The following PHIP variants were observed in gnomAD, a reference collection of about 807,000 sequenced individuals.
PHIP encodes the protein PHIP subunit of CUL4-Ring ligase complex.
Under a neutral mutation model 236.8 loss-of-function variants are expected in PHIP, and 54 were observed. That is an observed-to-expected ratio of 0.23 (90% CI 0.18 to 0.29). The LOEUF (loss-of-function observed/expected upper bound fraction) is 0.29, where lower values mean the gene tolerates loss of function less well. PHIP is among the 10% of genes least tolerant of loss of function. PHIP has a pLI of 1.00. For missense variants in PHIP, 1,370 were observed against 2,190.8 expected (o/e 0.63, Z 7.48); for synonymous variants, 756 against 718.9 (o/e 1.05, Z -0.83).
At position 78,939,544 on chromosome 6, in the gene PHIP, G is replaced by GA. The variant is rs1254023610; in HGVS notation, c.*1148dup. The stretch of plus-strand genomic sequence containing the variant: ...ATTCTACTGCTATCTAAAAAATCCT[G>GA]AAAAAAGAATTTATACCTGGGTAAT... On this transcript the variant is annotated 3_prime_UTR_variant, in exon 40 of 40. Coordinates refer to ENST00000275034, the MANE Select transcript of PHIP (RefSeq NM_017934.7). The GA allele has an allele frequency of 4.0e-5, 6 of 151,626 alleles. No individual in the cohort carries two copies. Among genetic ancestry groups the GA allele is most frequent in the African/African-American group, 1.2e-4 (5 of 41,328 alleles). The allele number at this position is 151,626 out of a possible 1,614,324, so 9.4% of individuals were successfully genotyped here. A position where few individuals can be genotyped will look rare whatever the true frequency, so the allele number is the denominator to read the frequency against.
intron 9 of PHIP, among the ~76,000 whole-genome samples, chr6:79,020,742 G>C (rs1771078268): frequency 6.6e-6 from 1 of 152,158 alleles, no homozygotes; most frequent in African/African-American, 2.4e-5. Context: ...AAGATTTGTG[G>C]GTTTTTTGGT....
chr6:78,979,753 T>G lies in PHIP; in HGVS notation c.2770-1042A>C, dbSNP rs575467243. Among the ~76,000 whole-genome samples, 26 of 152,198 alleles carry G rather than the reference T, an allele frequency of 1.7e-4. No homozygotes were observed. The East Asian group carries it at 3.9e-3, about 23-fold the overall frequency. Reference sequence around the variant, plus strand: ...TCACACGTAAAACATTAAAAATGATTGTACACTAAGACTGCTACATTTTAC... The same window carrying G: ...TCACACGTAAAACATTAAAAATGATGGTACACTAAGACTGCTACATTTTAC... On this transcript the variant is annotated intron_variant, in intron 23 of 39. Transcript: ENST00000275034.
intron 35 of PHIP, among the ~76,000 whole-genome samples, chr6:78,952,010 T>A (rs1774187748): frequency 6.6e-6 from 1 of 152,242 alleles, no homozygotes; most frequent in Non-Finnish European, 1.5e-5. Flanking sequence ...ACTGTTTCAA[T>A]ATTTTCTTTT....
In PHIP at chr6:79,077,691, C is replaced by T; in HGVS notation, c.129+9G>A. On this transcript the variant is annotated intron_variant, in intron 3 of 39. Coordinates refer to ENST00000275034, the MANE Select transcript of PHIP (RefSeq NM_017934.7). ...GCGGCGGGACGCGCCGGGCCGCCGC[C>T]GCCCTTACCTCCTTCTCGGCCACCT... 7.0e-6 allele frequency: 7 copies of T among 999,328 alleles called. No homozygotes were observed. Among genetic ancestry groups the T allele is most frequent in the Non-Finnish European group, 7.1e-6 (6 of 841,450 alleles). 61.9% of individuals were successfully genotyped at this position (999,328 alleles called of 1,614,324 possible).
In PHIP at chr6:79,056,248, T is replaced by C. The variant is rs535782401; in HGVS notation, c.439+4230A>G. Reference sequence around the variant, plus strand: ...ATCTGAGTTTTAAAGGATAAACAGATATTTGTACAACGTACAGAAAACAGA... The same window carrying C: ...ATCTGAGTTTTAAAGGATAAACAGACATTTGTACAACGTACAGAAAACAGA... On this transcript the variant is annotated intron_variant, in intron 6 of 39. Transcript: ENST00000275034. 1.2e-4 allele frequency among the ~76,000 whole-genome samples: 19 copies of C among 152,306 alleles called. No homozygotes were observed. The East Asian group carries it at 3.3e-3, about 26-fold the overall frequency.
chr6:79,009,042 G>A (rs146934351), intron 15 of PHIP, among the ~76,000 whole-genome samples: 3 of 152,026 alleles, frequency 2.0e-5, no homozygotes, highest in Non-Finnish European at 4.4e-5. Flanking sequence ...AATATTTCAT[G>A]ACTAATTAAA....
At chr6:79,048,920 C>T (rs1167116724) in intron 6 of PHIP, among the ~76,000 whole-genome samples, 1 of 152,098 alleles carries the variant, frequency 6.6e-6, no homozygotes, top group African/African-American at 2.4e-5. Context: ...AGTGAGGAGG[C>T]ACAAGAATAT....
At chr6:78,974,623 C>G (rs36128361) in intron 24 of PHIP, among the ~76,000 whole-genome samples, 49,679 of 151,818 alleles carry the variant, frequency 0.33, 9,773 homozygotes, top group East Asian at 0.69. Flanking sequence ...ATCGATAGAC[C>G]GCCAGCAAGA....
intron 39 of PHIP, among the ~76,000 whole-genome samples, chr6:78,943,561 T>C (rs1363089757): frequency 1.3e-5 from 2 of 152,198 alleles, no homozygotes; most frequent in African/African-American, 2.4e-5. Flanking sequence ...ATCTTCTGTA[T>C]AATGGGCATT....
intron 21 of PHIP, among the ~76,000 whole-genome samples, chr6:78,986,272 A>C (rs1163770365): frequency 2.0e-5 from 3 of 152,228 alleles, no homozygotes; most frequent in Non-Finnish European, 2.9e-5. Flanking sequence ...GTAAATATTC[A>C]TGAGTAAACA....
intron 4 of PHIP, among the ~76,000 whole-genome samples, chr6:79,065,181 C>T (rs910057253): frequency 1.4e-4 from 22 of 152,300 alleles, no homozygotes; most frequent in Non-Finnish European, 2.9e-5. Context: ...GCATACCTTT[C>T]CCATATGCAC....
chr6:79,030,937 T>G (rs141292734), intron 7 of PHIP, among the ~76,000 whole-genome samples: 5,659 of 152,130 alleles, frequency 0.037, 130 homozygotes, highest in Non-Finnish European at 0.056. Context: ...TCTTGTTTTT[T>G]TTTGTTTGTT....
intron 19 of PHIP, among the ~76,000 whole-genome samples, chr6:78,992,666 T>C (rs1268922587): frequency 6.6e-6 from 1 of 152,182 alleles, no homozygotes; most frequent in Non-Finnish European, 1.5e-5. Context: ...TATGCTTCTA[T>C]TGTAGTTGTT....
At position 78,941,343 on chromosome 6, in the gene PHIP, A is replaced by C. The variant is rs773276132; in HGVS notation, c.4829-13T>G. 2 of 1,591,868 alleles carry C rather than the reference A, an allele frequency of 1.3e-6. No homozygotes were observed. Among genetic ancestry groups the C allele is most frequent in the Non-Finnish European group, 1.7e-6 (2 of 1,169,986 alleles). On this transcript the variant is annotated splice_polypyrimidine_tract_variant and intron_variant, in intron 39 of 39. Transcript: ENST00000275034. ...TTCTTACAATCTCCTAAAAGGGAAC[A>C]ACAGTACACTTAATATATGGAGTTT... is the stretch of plus-strand genomic sequence containing the variant.
At chr6:79,048,899 T>C (rs886351303) in intron 6 of PHIP, among the ~76,000 whole-genome samples, 44 of 152,218 alleles carry the variant, frequency 2.9e-4, no homozygotes, top group African/African-American at 1.0e-3. Context: ...TTTTATACAG[T>C]AGAAGAATTA....
chr6:78,952,334 G>A (rs1018532553), intron 35 of PHIP, among the ~76,000 whole-genome samples: 4 of 149,756 alleles, frequency 2.7e-5, no homozygotes, highest in African/African-American at 9.9e-5. Flanking sequence ...CAGGAGAATC[G>A]CTTGAATCCA....
intron 4 of PHIP, among the ~76,000 whole-genome samples, chr6:79,069,388 A>T (rs912902968): frequency 2.6e-5 from 4 of 151,944 alleles, no homozygotes; most frequent in Non-Finnish European, 4.4e-5. Context: ...TTTTAACTGT[A>T]ATAGCTTCTC....
chr6:78,998,789 T>A (rs1304810835), intron 17 of PHIP, among the ~76,000 whole-genome samples: 2 of 152,150 alleles, frequency 1.3e-5, no homozygotes, highest in East Asian at 3.8e-4. Context: ...AAATGACACA[T>A]CTGATTACCC....
intron 15 of PHIP, among the ~76,000 whole-genome samples, chr6:79,008,073 C>A (rs113267507): frequency 1.3e-5 from 2 of 151,806 alleles, no homozygotes; most frequent in African/African-American, 4.8e-5. Context: ...AGGAAATCAC[C>A]TGAACCCGGG....
Sources: allele counts gnomAD v4.1 joint callset (sites outside exome capture counted in the v4.1 genomes callset), GRCh38; gene constraint gnomAD v4.1.1; transcripts MANE v1.5; gene names NCBI Gene and HGNC (gene_info 2026-07-23, HGNC 2026-07-21).